The following MAGI1 variants were observed in gnomAD, a reference collection of about 807,000 sequenced individuals.
MAGI1 encodes membrane-associated guanylate kinase, WW and PDZ domain-containing protein 1.
A neutral mutation model predicts 139.9 loss-of-function variants in MAGI1; 58 were observed. The ratio of observed to expected loss-of-function variants is 0.41; its 90% CI spans 0.34 to 0.52. The LOEUF (loss-of-function observed/expected upper bound fraction) is 0.52, where lower values mean the gene tolerates loss of function less well. Among genes scored for constraint, MAGI1 ranks in the 20% least tolerant of loss-of-function variants. The pLI is 0.12. For missense variants in MAGI1, 1,874 were observed against 1,901.6 expected (o/e 0.99, Z 0.27); for synonymous variants, 812 against 737.9 (o/e 1.10, Z -1.63).
At chr3:65,835,366 AC>A (rs2042748800) in intron 1 of MAGI1, among the ~76,000 whole-genome samples, 1 of 152,210 alleles carries the variant, frequency 6.6e-6, no homozygotes, top group Non-Finnish European at 1.5e-5. Flanking sequence ...ATTATTTCAG[AC>A]TTGTCTGGCA....
At chr3:65,416,585 TTGAATGAATGAA>T (rs147523328) in intron 12 of MAGI1, among the ~76,000 whole-genome samples, 3 of 152,118 alleles carry the variant, frequency 2.0e-5, no homozygotes, top group Non-Finnish European at 4.4e-5. Flanking sequence ...CTAAAGTTTG[TTGAATGAATGAA>T]TGAATGAATG....
chr3:65,626,848 T>G (rs1324668252), intron 1 of MAGI1, among the ~76,000 whole-genome samples: 1 of 152,248 alleles, frequency 6.6e-6, no homozygotes, highest in Non-Finnish European at 1.5e-5. Flanking sequence ...CTGTACATTT[T>G]GGCATCTAAT....
chr3:65,452,450 T>A (rs771122320), intron 6 of MAGI1: 1 of 152,186 alleles, frequency 6.6e-6, no homozygotes, highest in African/African-American at 2.4e-5. Flanking sequence ...CATGCCAGAA[T>A]TGAATAATGA....
chr3:65,387,765 T>A (rs1040331710), intron 14 of MAGI1, among the ~76,000 whole-genome samples: 2 of 152,228 alleles, frequency 1.3e-5, no homozygotes, highest in Non-Finnish European at 2.9e-5. Flanking sequence ...TACAAACTCA[T>A]AATTGCTCTT....
In MAGI1 at chr3:65,576,203, T is replaced by A. The variant is rs754868375; in HGVS notation, c.430+45769A>T. 3.3e-5 allele frequency among the ~76,000 whole-genome samples: 5 copies of A among 152,254 alleles called. No individual in the cohort carries two copies. The East Asian group carries it at 7.7e-4, about 23-fold the overall frequency. ...TTAGCATTTTTAGCGGTTTTCTGTT[T>A]GCTTCTTGTTTCTAAATATCTAATT... On this transcript the variant is annotated intron_variant, in intron 2 of 22. Coordinates refer to ENST00000402939, the MANE Select transcript of MAGI1 (RefSeq NM_001033057.2).
At chr3:65,680,789 A>ATATGG (rs2087536806) in intron 1 of MAGI1, among the ~76,000 whole-genome samples, 1 of 137,226 alleles carries the variant, frequency 7.3e-6, no homozygotes, top group South Asian at 2.1e-4. Context: ...ATATGATATG[A>ATATGG]TATGATATAC....
chr3:65,509,955 C>G (rs1576103020), intron 2 of MAGI1, among the ~76,000 whole-genome samples: 1 of 152,310 alleles, frequency 6.6e-6, no homozygotes, highest in South Asian at 2.1e-4. Context: ...AGAAGGAGAT[C>G]TGAGAACCGG....
chr3:65,356,655 C>T lies in MAGI1; in HGVS notation c.4112G>A (p.Arg1371Lys). The T allele has an allele frequency of 6.3e-7, 1 of 1,583,724 alleles. No individual in the cohort carries two copies. ...CTCCAGGAGTCTCTCCAGAGACCGTCTCCGCCGGCTGGGGGAGCCGTCTCT... is the reference window on the plus strand; with the variant it reads ...CTCCAGGAGTCTCTCCAGAGACCGTTTCCGCCGGCTGGGGGAGCCGTCTCT... Reference protein sequence around the residue: ...RRRDGSPSRRRRSLERLLEQR... With the variant: ...RRRDGSPSRRKRSLERLLEQR... Residue 1371 changes from arginine to lysine, a missense_variant, in exon 23 of 23, where the codon AGA (arginine) becomes AAA (lysine). Physicochemically the swap from Arg to Lys is conservative, Grantham distance 26. Transcript: ENST00000402939.
chr3:65,991,517 G>C (rs1373371976), intron 1 of MAGI1, among the ~76,000 whole-genome samples: 3 of 151,934 alleles, frequency 2.0e-5, no homozygotes, highest in South Asian at 2.1e-4. Context: ...GCTTTTTCTT[G>C]TTCCCAGGAA....
At chr3:65,530,676 T>TATATATATACGTGTATATATATAC (rs1559642357) in intron 2 of MAGI1, among the ~76,000 whole-genome samples, 15 of 136,090 alleles carry the variant, frequency 1.1e-4, no homozygotes, top group African/African-American at 4.4e-4. Context: ...TATATATACA[T>TATATATATACGTGTATATATATAC]ATATATATAC....
At chr3:65,481,035 T>A (rs1013976168) in intron 3 of MAGI1, among the ~76,000 whole-genome samples, 9 of 152,228 alleles carry the variant, frequency 5.9e-5, no homozygotes, top group Admixed American at 2.0e-4. Context: ...CACATTTTTT[T>A]AAATGCAGTA....
At chr3:65,791,565 G>A (rs2039772903) in intron 1 of MAGI1, among the ~76,000 whole-genome samples, 1 of 151,976 alleles carries the variant, frequency 6.6e-6, no homozygotes. Context: ...GGAGGGAGGA[G>A]ACAAAGAAAA....
chr3:65,877,669 C>A (rs1167062963), intron 1 of MAGI1, among the ~76,000 whole-genome samples: 1 of 152,190 alleles, frequency 6.6e-6, no homozygotes, highest in African/African-American at 2.4e-5. Context: ...AATTCTCCTG[C>A]CTAAGCCTCC....
At chr3:65,623,481 G>A (rs1306407852) in intron 1 of MAGI1, among the ~76,000 whole-genome samples, 1 of 152,158 alleles carries the variant, frequency 6.6e-6, no homozygotes, top group African/African-American at 2.4e-5. Flanking sequence ...CACTCTTAAT[G>A]GAGAAAGATG....
At chr3:65,950,067 C>CAAAAAAAAA (rs61696952) in intron 1 of MAGI1, among the ~76,000 whole-genome samples, 19 of 76,710 alleles carry the variant, frequency 2.5e-4, no homozygotes, top group South Asian at 5.6e-4. Context: ...AACAAAAAAA[C>CAAAAAAAAA]AAAAAAAAAA....
At chr3:65,622,135 C>G (rs760881658) in intron 1 of MAGI1, 47 bp from the exon 2 acceptor site, 4 of 1,338,506 alleles carry the variant, frequency 3.0e-6, no homozygotes, top group Non-Finnish European at 4.3e-6. Context: ...CACAGGGCCT[C>G]CTAGAAAAGA....
intron 2 of MAGI1, among the ~76,000 whole-genome samples, chr3:65,537,102 C>A (rs1320308688): frequency 1.3e-5 from 2 of 152,110 alleles, no homozygotes; most frequent in Non-Finnish European, 2.9e-5. Flanking sequence ...TACAATATAT[C>A]CCAACCTACG....
At position 65,583,470 on chromosome 3, in the gene MAGI1, C is replaced by T. The variant is rs1354600451; in HGVS notation, c.430+38502G>A. Among the ~76,000 whole-genome samples the T allele has an allele frequency of 2.0e-5, 3 of 152,192 alleles. No homozygotes were observed. In the East Asian group the frequency reaches 5.8e-4, roughly 29 times the overall value. Reference sequence around the variant, plus strand: ...TTGTTTCTCTAATCTCTAACTAGAACCCCATTTTGTTGAATTCCAGTGACA... The same window carrying T: ...TTGTTTCTCTAATCTCTAACTAGAATCCCATTTTGTTGAATTCCAGTGACA... On this transcript the variant is annotated intron_variant, in intron 2 of 22. Coordinates refer to ENST00000402939, the MANE Select transcript of MAGI1 (RefSeq NM_001033057.2).
At chr3:65,977,532 G>A (rs2065327540) in intron 1 of MAGI1, among the ~76,000 whole-genome samples, 1 of 152,082 alleles carries the variant, frequency 6.6e-6, no homozygotes, top group South Asian at 2.1e-4. Context: ...CCAACATAGT[G>A]AAACCTCGTC....
Sources: allele counts gnomAD v4.1 joint callset (sites outside exome capture counted in the v4.1 genomes callset), GRCh38; gene constraint gnomAD v4.1.1; transcripts MANE v1.5; gene names NCBI Gene and HGNC (gene_info 2026-07-23, HGNC 2026-07-21).